Variants in GALNT14 observed in about 807,000 individuals in gnomAD.
GALNT14 encodes polypeptide N-acetylgalactosaminyltransferase 14.
Under a neutral mutation model 77.5 loss-of-function variants are expected in GALNT14, and 60 were observed. The observed-to-expected ratio is 0.77, with a 90% confidence interval of 0.63 to 0.96. The LOEUF (loss-of-function observed/expected upper bound fraction) is 0.96, where lower values mean the gene tolerates loss of function less well. Ranked by LOEUF, GALNT14 falls within the 40% of genes least tolerant of loss-of-function variation. GALNT14 has a pLI of 0.00. For missense variants in GALNT14, 710 were observed against 731.0 expected (o/e 0.97, Z 0.33); for synonymous variants, 280 against 281.7 (o/e 0.99, Z 0.06).
At chr2:31,048,593 C>CTA (rs1553366915) in intron 1 of GALNT14, among the ~76,000 whole-genome samples, 1 of 108,160 alleles carries the variant, frequency 9.2e-6, no homozygotes, top group African/African-American at 3.4e-5. Flanking sequence ...CCTCCCCACC[C>CTA]CCACTCCTGC....
chr2:30,987,119 C>T (rs1178261902), intron 2 of GALNT14: 2 of 152,168 alleles, frequency 1.3e-5, no homozygotes, highest in African/African-American at 4.8e-5. Context: ...TGCTGAAAGC[C>T]ACTCAGGGGT....
At chr2:31,125,233 C>G in intron 1 of GALNT14, 7 of 1,550,554 alleles carry the variant, frequency 4.5e-6, no homozygotes, top group Non-Finnish European at 6.1e-6. Flanking sequence ...TCCCAGCCAC[C>G]TTGAAAAACA....
At chr2:31,057,655 T>G (rs1197032007) in intron 1 of GALNT14, among the ~76,000 whole-genome samples, 1 of 152,030 alleles carries the variant, frequency 6.6e-6, no homozygotes, top group Non-Finnish European at 1.5e-5. Flanking sequence ...ACACTCTATC[T>G]GAAAGTGGAT....
intron 1 of GALNT14, among the ~76,000 whole-genome samples, chr2:31,002,689 A>G (rs1046601389): frequency 2.0e-5 from 3 of 152,214 alleles, no homozygotes; most frequent in African/African-American, 7.2e-5. Flanking sequence ...AAATGCTAAC[A>G]TATCACCATA....
chr2:30,896,076 T>C, the GALNT14 span, among the ~76,000 whole-genome samples: 4 of 152,226 alleles, frequency 2.6e-5, no homozygotes, highest in East Asian at 1.9e-4. Context: ...ATAATATCTA[T>C]CTGGAATACT....
intron 2 of GALNT14, among the ~76,000 whole-genome samples, chr2:30,981,504 G>C (rs796321635): frequency 6.6e-6 from 1 of 152,214 alleles, no homozygotes; most frequent in Non-Finnish European, 1.5e-5. Context: ...GAGAGGTCTG[G>C]TGACCTGCAC....
At chr2:31,090,934 C>T (rs1034635455) in intron 1 of GALNT14, among the ~76,000 whole-genome samples, 2 of 152,204 alleles carry the variant, frequency 1.3e-5, no homozygotes, top group African/African-American at 4.8e-5. Flanking sequence ...TACTAATTCA[C>T]ACTTAAGTTT....
At chr2:30,987,572 C>T (rs1180804005) in intron 2 of GALNT14, among the ~76,000 whole-genome samples, 1 of 152,166 alleles carries the variant, frequency 6.6e-6, no homozygotes, top group African/African-American at 2.4e-5. Context: ...AAATTAAGCC[C>T]CCAGGCCTCT....
chr2:31,019,414 C>T (rs894055045), intron 1 of GALNT14, among the ~76,000 whole-genome samples: 71 of 152,178 alleles, frequency 4.7e-4, no homozygotes, highest in African/African-American at 1.6e-3. Context: ...AACTCACCTG[C>T]CCCAGCCACA....
At chr2:31,028,793 C>A (rs1259153236) in intron 1 of GALNT14, among the ~76,000 whole-genome samples, 1 of 152,128 alleles carries the variant, frequency 6.6e-6, no homozygotes, top group Non-Finnish European at 1.5e-5. Flanking sequence ...ATGACAAATT[C>A]TCCAACTCAG....
intron 1 of GALNT14, among the ~76,000 whole-genome samples, chr2:31,109,107 T>C (rs1188607246): frequency 6.6e-6 from 1 of 152,108 alleles, no homozygotes; most frequent in Non-Finnish European, 1.5e-5. Flanking sequence ...CCTAACACCA[T>C]AAAGGGAGGC....
chr2:30,970,648 A>G (rs1462433784), intron 2 of GALNT14, among the ~76,000 whole-genome samples: 1 of 152,070 alleles, frequency 6.6e-6, no homozygotes, highest in Non-Finnish European at 1.5e-5. Context: ...TGTGTCAGTA[A>G]TGGCTTACTG....
rs764575532 is a variant in GALNT14 at position 30,992,873 on chromosome 2, G to A, written c.264C>T (p.Ser88=). 6 of 1,614,046 alleles carry A rather than the reference G, an allele frequency of 3.7e-6. No individual in the cohort carries two copies. Among genetic ancestry groups the A allele is most frequent in the Admixed American group, 1.7e-5 (1 of 60,008 alleles). Residue 88 remains serine (S), a synonymous_variant, in exon 2 of 15, where the codon TCC becomes TCT. Coordinates refer to ENST00000349752, the MANE Select transcript of GALNT14 (RefSeq NM_024572.4). Reference sequence around the variant, plus strand: ...GAGTGTCCGGGATGGCCCGATTGCTGGAGATCCGCTCACTCTCCCGCTGGT... The same window carrying A: ...GAGTGTCCGGGATGGCCCGATTGCTAGAGATCCGCTCACTCTCCCGCTGGT... ...AFNQRESERI[S]SNRAIPDTRH...
intron 1 of GALNT14, among the ~76,000 whole-genome samples, chr2:31,067,880 C>G (rs1675082440): frequency 6.6e-6 from 1 of 152,152 alleles, no homozygotes; most frequent in African/African-American, 2.4e-5. Context: ...GGCATGCACA[C>G]CGTTACTCCT....
chr2:31,080,514 G>A (rs1676093108), intron 1 of GALNT14, among the ~76,000 whole-genome samples: 1 of 152,196 alleles, frequency 6.6e-6, no homozygotes. Context: ...AGCTGTAAAT[G>A]AGTAATAGTT....
chr2:31,035,585 G>GTATACA (rs1349562722), intron 1 of GALNT14, among the ~76,000 whole-genome samples: 1 of 134,704 alleles, frequency 7.4e-6, no homozygotes, highest in Non-Finnish European at 1.6e-5. Context: ...GTGTGTGTGT[G>GTATACA]TATACATATA....
At chr2:31,128,965 T>G (rs1678836173) in intron 1 of GALNT14, among the ~76,000 whole-genome samples, 1 of 123,506 alleles carries the variant, frequency 8.1e-6, no homozygotes, top group African/African-American at 4.5e-5. Context: ...AAAAATAAAA[T>G]TGAAAAAAAA....
intron 1 of GALNT14, among the ~76,000 whole-genome samples, chr2:31,047,460 A>T (rs1673535848): frequency 6.6e-6 from 1 of 152,168 alleles, no homozygotes; most frequent in Non-Finnish European, 1.5e-5. Flanking sequence ...AGGGCCACAG[A>T]TTCCCATTTG....
the GALNT14 span, among the ~76,000 whole-genome samples, chr2:30,895,280 G>T: frequency 7.2e-5 from 11 of 152,132 alleles, no homozygotes; most frequent in African/African-American, 2.7e-4. Flanking sequence ...TGGGGGAACC[G>T]ACACATGGAC....
Sources: allele counts gnomAD v4.1 joint callset (sites outside exome capture counted in the v4.1 genomes callset), GRCh38; gene constraint gnomAD v4.1.1; transcripts MANE v1.5; gene names NCBI Gene and HGNC (gene_info 2026-07-23, HGNC 2026-07-21).